CPLANE1: variants seen among roughly 807,000 people sequenced by gnomAD.
The protein encoded by CPLANE1 is ciliogenesis and planar polarity effector complex subunit 1, also known as ciliogenesis and planar polarity effector 1.
Under a neutral mutation model 362.5 loss-of-function variants are expected in CPLANE1, and 263 were observed. The observed-to-expected ratio is 0.73, with a 90% confidence interval of 0.66 to 0.80. The LOEUF is 0.80. Among genes scored for constraint, CPLANE1 ranks in the 30% least tolerant of loss-of-function variants. The pLI is 0.00. For missense variants in CPLANE1, 3,461 were observed against 3,793.4 expected, an observed-to-expected ratio of 0.91 and a Z score of 2.30; for synonymous variants, 1,212 against 1,302.6, an observed-to-expected ratio of 0.93 and a Z score of 1.50.
At chr5:37,142,051 CA>C in intron 44 of CPLANE1, 1 of 851,954 alleles carries the variant, frequency 1.2e-6, no homozygotes, top group Non-Finnish European at 1.5e-6. Flanking sequence ...TCAACTATTA[CA>C]GTAATTCCAG....
At chr5:37,227,878 A>G in intron 9 of CPLANE1, 61 bp from the exon 10 acceptor site, 1 of 1,427,276 alleles carries the variant, frequency 7.0e-7, no homozygotes, top group Non-Finnish European at 9.3e-7. Context: ...GAAAACAATA[A>G]TGTTTTTCAA....
Position 37,209,667 on chromosome 5 carries a change from A to G in CPLANE1, c.2921-3242T>C, listed in dbSNP as rs1792024458. The G allele has an allele frequency of 7.3e-7, 1 of 1,361,954 alleles. No homozygotes were observed. Among genetic ancestry groups the G allele is most frequent in the African/African-American group, 1.4e-5 (1 of 69,968 alleles). The allele number at this position is 1,361,954 out of a possible 1,614,324, so 84.4% of individuals were successfully genotyped here. ...TTTCTTTCTAGAAAGTGGTTTGGCAAAAGAAAAGGTATTTACTATGCAGGA... is the reference window on the plus strand; with the variant it reads ...TTTCTTTCTAGAAAGTGGTTTGGCAGAAGAAAAGGTATTTACTATGCAGGA... On this transcript the variant is annotated intron_variant, in intron 16 of 52. Transcript: ENST00000651892. The surrounding 1 kb of genome is among the most constrained non-coding windows in gnomAD (Gnocchi z 4.6).
chr5:37,099,470 A>AT, the CPLANE1 span, among the ~76,000 whole-genome samples: 8 of 152,142 alleles, frequency 5.3e-5, no homozygotes, highest in African/African-American at 1.9e-4. Flanking sequence ...AAAGGACATG[A>AT]TCTCGTTACT....
At chr5:37,128,413 T>C (rs1183032245) in intron 46 of CPLANE1, among the ~76,000 whole-genome samples, 1 of 152,228 alleles carries the variant, frequency 6.6e-6, no homozygotes, top group Non-Finnish European at 1.5e-5. Flanking sequence ...AGCCCTGTGC[T>C]GCGTGCAGAT....
Position 37,180,010 on chromosome 5 carries a change from A to C in CPLANE1, c.5737+7T>G. 6.6e-7 allele frequency: 1 copy of C among 1,525,304 alleles called. No individual in the cohort carries two copies. Among genetic ancestry groups the C allele is most frequent in the South Asian group, 1.3e-5 (1 of 76,724 alleles). The allele number at this position is 1,525,304 out of a possible 1,614,324, so 94.5% of individuals were successfully genotyped here. ...GCCAAAAAAATAGATTATCTAAATG[A>C]ACTGACCTTCATAGTCTGATATGTG... On this transcript the variant is annotated splice_region_variant and intron_variant, in intron 28 of 52. Coordinates refer to ENST00000651892, the MANE Select transcript of CPLANE1 (RefSeq NM_001384732.1).
At chr5:37,128,272 A>G (rs1430985720) in intron 46 of CPLANE1, among the ~76,000 whole-genome samples, 1 of 152,098 alleles carries the variant, frequency 6.6e-6, no homozygotes, top group East Asian at 1.9e-4. Context: ...CAAGTAAAAA[A>G]GCTGTCACTC....
intron 20 of CPLANE1, among the ~76,000 whole-genome samples, chr5:37,196,695 G>A (rs1357505072): frequency 6.6e-6 from 1 of 152,206 alleles, no homozygotes; most frequent in African/African-American, 2.4e-5. Flanking sequence ...GGGAGGCCGA[G>A]GTGGGCAGAT....
intron 34 of CPLANE1, among the ~76,000 whole-genome samples, chr5:37,168,453 G>C (rs1029615628): frequency 6.8e-6 from 1 of 148,126 alleles, no homozygotes; most frequent in South Asian, 2.1e-4. Flanking sequence ...ATTTATGAAA[G>C]AGTCCAGTAA....
In CPLANE1 at chr5:37,168,880, C is replaced by A. The variant is rs958703830; in HGVS notation, c.7144G>T (p.Val2382Phe). 2 of 1,613,988 alleles carry A rather than the reference C, an allele frequency of 1.2e-6. No individual in the cohort carries two copies. The highest frequency in any genetic ancestry group is 3.3e-5 in the Admixed American group (2 of 60,000). ...ATAGGTTGGATAGGTGTTGAGGGAA[C>A]TGTAATAGATGCTCTTGAGGTTGAT... is the stretch of plus-strand genomic sequence containing the variant. Reference protein sequence around the residue: ...FPSTSRASITVPSTPIQPIAE... With the variant: ...FPSTSRASITFPSTPIQPIAE... Residue 2382 changes from valine to phenylalanine, a missense_variant, in exon 34 of 53, where the codon GTT becomes TTT. By Grantham distance (50) the Val-to-Phe change is conservative (BLOSUM62 -1). Coordinates refer to ENST00000651892, the MANE Select transcript of CPLANE1 (RefSeq NM_001384732.1).
intron 50 of CPLANE1, among the ~76,000 whole-genome samples, chr5:37,116,541 C>T (rs1761039208): frequency 6.9e-6 from 1 of 144,516 alleles, no homozygotes; most frequent in Admixed American, 7.0e-5. Context: ...ATGATCTGAG[C>T]CAGGGAGGTC....
chr5:37,085,305 G>A, the CPLANE1 span: 2 of 1,088,464 alleles, frequency 1.8e-6, no homozygotes, highest in African/African-American at 3.1e-5. Flanking sequence ...CTACCCTGCT[G>A]GATTCATGGA....
chr5:37,184,223 T>C (rs138097324), intron 25 of CPLANE1, among the ~76,000 whole-genome samples: 3 of 152,164 alleles, frequency 2.0e-5, no homozygotes, highest in East Asian at 1.9e-4. Context: ...ATGAAACCTG[T>C]TGGGCGGACA....
intron 49 of CPLANE1, among the ~76,000 whole-genome samples, chr5:37,121,308 A>C (rs184620797): frequency 2.6e-5 from 4 of 152,320 alleles, no homozygotes; most frequent in Non-Finnish European, 4.4e-5. Context: ...GTTAGAAGGC[A>C]AATTATGGAG....
At chr5:37,098,502 G>A in the CPLANE1 span, among the ~76,000 whole-genome samples, 1 of 148,160 alleles carries the variant, frequency 6.7e-6, no homozygotes, top group Non-Finnish European at 1.5e-5. Context: ...TTTCACTTTA[G>A]ACCAAATGGA....
chr5:37,206,553 G>T, intron 16 of CPLANE1, 128 bp from the exon 17 acceptor site: 1 of 638,878 alleles, frequency 1.6e-6, no homozygotes, highest in East Asian at 2.7e-5. Flanking sequence ...ATACAAAATG[G>T]GCTAAAGTAA....
At chr5:37,187,623 C>A (rs758882567) in intron 22 of CPLANE1, 51 bp from the exon 23 acceptor site, 1 of 1,572,660 alleles carries the variant, frequency 6.4e-7, no homozygotes. Context: ...AGATGGTAGA[C>A]CAGAATGAGT....
chr5:37,184,430 A>C (rs908615971), intron 25 of CPLANE1, among the ~76,000 whole-genome samples: 1 of 152,060 alleles, frequency 6.6e-6, no homozygotes, highest in Non-Finnish European at 1.5e-5. Flanking sequence ...TTTAAGGAAA[A>C]ATTTCCTTAA....
downstream of CPLANE1, among the ~76,000 whole-genome samples, chr5:37,101,816 G>A (rs1168259107): frequency 6.6e-6 from 1 of 152,010 alleles, no homozygotes; most frequent in Non-Finnish European, 1.5e-5. Context: ...ATTTCTTCCT[G>A]GTTCAGTCTT....
rs561144902 is a variant in CPLANE1 at position 37,245,346 on chromosome 5, T to C, written c.337+133A>G. On this transcript the variant is annotated intron_variant, in intron 4 of 52. Transcript: ENST00000651892. ...ATATATATATATATATATATATATA[T>C]ATATACACACACTCAGATATACATA... 0.031 allele frequency: 2,664 copies of C among 85,434 alleles called. 175 individuals are homozygous for C. The highest frequency in any genetic ancestry group is 0.12 in the African/African-American group (2,450 of 20,804). 5.3% of individuals were successfully genotyped at this position (85,434 alleles called of 1,614,324 possible). A position where few individuals can be genotyped will look rare whatever the true frequency, so the allele number is the denominator to read the frequency against.
Sources: gnomAD v4.1 joint callset for allele counts (sites outside exome capture counted in the v4.1 genomes callset) on GRCh38, gnomAD v4.1.1 for gene constraint, Gnocchi (gnomAD v3.1) non-coding constraint, MANE v1.5 for transcripts, NCBI Gene and HGNC (gene_info 2026-07-23, HGNC 2026-07-21) for gene names.